The following RGPD1 variants were observed in gnomAD, a reference collection of about 807,000 sequenced individuals.
RGPD1 encodes RANBP2-like and GRIP domain-containing protein 1.
A neutral mutation model predicts 40.6 loss-of-function variants in RGPD1; 7 were observed. The ratio of observed to expected loss-of-function variants is 0.17; its 90% confidence interval spans 0.10 to 0.32. The LOEUF is 0.32. Among genes scored for constraint, RGPD1 ranks in the 10% least tolerant of loss-of-function variants. The pLI, the probability that RGPD1 is intolerant of heterozygous loss-of-function variation, is 1.00. For synonymous variants in RGPD1, 24 were observed against 167.0 expected (o/e 0.14, Z 6.60); for missense variants, 50 against 472.5 (o/e 0.11, Z 8.29).
chr2:86,960,901 T>G (rs1343814232), intron 6 of RGPD1, among the ~76,000 whole-genome samples: 1 of 24,380 alleles, frequency 4.1e-5, no homozygotes, highest in East Asian at 8.6e-4. Flanking sequence ...TCTCGATCTC[T>G]TGACCTCTTG....
intron 1 of RGPD1, among the ~76,000 whole-genome samples, chr2:86,943,188 CAG>C (rs973888138): frequency 1.1e-4 from 17 of 150,968 alleles, no homozygotes; most frequent in African/African-American, 2.4e-4. Context: ...GCGCAAATGA[CAG>C]GGGAAGTCCC....
chr2:86,936,136 G>C (rs1273571120), intron 1 of RGPD1, among the ~76,000 whole-genome samples: 1 of 134,882 alleles, frequency 7.4e-6, no homozygotes, highest in Non-Finnish European at 1.6e-5. Context: ...CTCCCACGTA[G>C]CTAGGACTAC....
intron 21 of RGPD1, among the ~76,000 whole-genome samples, chr2:86,997,142 C>T (rs1232020965): frequency 6.8e-6 from 1 of 147,876 alleles, no homozygotes; most frequent in Admixed American, 6.7e-5. Context: ...ACCTCTTCAT[C>T]TGTTTCTCGT....
chr2:86,938,827 T>A (rs1679523252), upstream of RGPD1, among the ~76,000 whole-genome samples: 1 of 137,178 alleles, frequency 7.3e-6, no homozygotes, highest in South Asian at 2.4e-4. Flanking sequence ...TGCAGTGAGC[T>A]GAGATCGTGC....
chr2:86,937,305 C>T (rs1043918643), upstream of RGPD1, among the ~76,000 whole-genome samples: 3 of 151,084 alleles, frequency 2.0e-5, no homozygotes, highest in Non-Finnish European at 4.4e-5. Flanking sequence ...CAAAGATTTC[C>T]TTATTCTGAC....
At chr2:86,945,418 T>C (rs559207193) in intron 1 of RGPD1, among the ~76,000 whole-genome samples, 188 of 152,240 alleles carry the variant, frequency 1.2e-3, no homozygotes, top group African/African-American at 4.5e-3. Flanking sequence ...GAAGAGGCAG[T>C]GGCTGTGAAG....
intron 1 of RGPD1, among the ~76,000 whole-genome samples, chr2:86,944,517 C>A (rs1680188861): frequency 6.6e-6 from 1 of 152,054 alleles, no homozygotes; most frequent in African/African-American, 2.4e-5. Context: ...ATCCTCCCAC[C>A]TCAGTCTCCC....
chr2:86,942,375 GGCGGCCTC>G, intron 1 of RGPD1, 67 bp downstream of exon 1: 2 of 1,433,904 alleles, frequency 1.4e-6, no homozygotes, highest in Non-Finnish European at 1.9e-6. Context: ...CTGGCCGGGC[GGCGGCCTC>G]GACCTGGCCG....
chr2:86,919,842 G>T (rs1311241226), intron 1 of RGPD1, among the ~76,000 whole-genome samples: 1 of 144,854 alleles, frequency 6.9e-6, no homozygotes, highest in African/African-American at 2.7e-5. Flanking sequence ...GTAAATTCTA[G>T]GAAGGCAAAG....
chr2:86,939,753 G>A (rs1193342347), upstream of RGPD1, among the ~76,000 whole-genome samples: 2 of 50,996 alleles, frequency 3.9e-5, no homozygotes, highest in African/African-American at 1.8e-4. Context: ...TTTTTTTTTT[G>A]AGACAGGGTC....
At chr2:86,942,802 C>T (rs1387115704) in intron 1 of RGPD1, among the ~76,000 whole-genome samples, 2 of 151,816 alleles carry the variant, frequency 1.3e-5, no homozygotes, top group African/African-American at 2.4e-5. Context: ...TGGCGCAGTC[C>T]TGTGGGCGGC....
At chr2:86,918,247 A>ATAAGGG (rs769074013) in intron 1 of RGPD1, among the ~76,000 whole-genome samples, 6,397 of 150,056 alleles carry the variant, frequency 0.043, 127 homozygotes, top group Non-Finnish European at 0.065. Flanking sequence ...TCCCCCAGTA[A>ATAAGGG]CATCCTTACA....
intron 4 of RGPD1, among the ~76,000 whole-genome samples, chr2:86,956,084 C>T (rs1215497052): frequency 7.1e-6 from 1 of 140,906 alleles, no homozygotes; most frequent in Non-Finnish European, 1.5e-5. Context: ...AATTCCATTT[C>T]TCCTAAAATT....
chr2:86,925,466 C>G (rs1321909507), intron 1 of RGPD1, among the ~76,000 whole-genome samples: 1 of 151,458 alleles, frequency 6.6e-6, no homozygotes, highest in East Asian at 1.9e-4. Flanking sequence ...CCACGTTTCA[C>G]CATGTTGGAC....
chr2:86,931,963 ATATATT>A (rs984872215), intron 1 of RGPD1, among the ~76,000 whole-genome samples: 5 of 148,450 alleles, frequency 3.4e-5, no homozygotes, highest in African/African-American at 1.2e-4. Context: ...TTCATTATAT[ATATATT>A]TATATATAAT....
At chr2:86,931,957 T>TTA (rs1184354454) in intron 1 of RGPD1, among the ~76,000 whole-genome samples, 4 of 148,444 alleles carry the variant, frequency 2.7e-5, no homozygotes, top group East Asian at 1.9e-4. Flanking sequence ...ATTATATTCA[T>TTA]TATATATATA....
intron 1 of RGPD1, chr2:86,930,187 TGAGG>T (rs1455748316): frequency 6.9e-7 from 1 of 1,441,996 alleles, no homozygotes; most frequent in African/African-American, 1.4e-5. Flanking sequence ...ACCCTCCTGA[TGAGG>T]GAGGGCACTC....
chr2:86,944,840 T>G (rs1485299651), intron 1 of RGPD1, among the ~76,000 whole-genome samples: 1 of 152,096 alleles, frequency 6.6e-6, no homozygotes, highest in Admixed American at 6.5e-5. Flanking sequence ...CCTGGGTAGC[T>G]GAGACTACAG....
chr2:86,914,061 G>A (rs1244272922), intron 1 of RGPD1: 1 of 77,918 alleles, frequency 1.3e-5, no homozygotes, highest in Non-Finnish European at 2.6e-5. Context: ...CGGCGGCCTC[G>A]GCCTCGGCCC....
Sources: allele counts gnomAD v4.1 joint callset (sites outside exome capture counted in the v4.1 genomes callset), GRCh38; gene constraint gnomAD v4.1.1; transcripts MANE v1.5; gene names NCBI Gene and HGNC (gene_info 2026-07-23, HGNC 2026-07-21).